Variants in ARRB1 observed in about 807,000 individuals in gnomAD.
ARRB1 encodes the protein arrestin beta 1, also known as beta-arrestin-1.
In ARRB1, 21 loss-of-function variants were observed where a neutral mutation model predicts 56.8. The observed-to-expected ratio is 0.37, with a 90% CI of 0.26 to 0.53. The LOEUF (loss-of-function observed/expected upper bound fraction) is 0.53. Among genes scored for constraint, ARRB1 ranks in the 20% least tolerant of loss-of-function variants. The probability of loss-of-function intolerance (pLI) is 0.88; values close to 1 mark genes in which losing one functional copy is unlikely to be tolerated. For synonymous variants in ARRB1, 210 were observed against 218.6 expected (o/e 0.96, Z 0.35); for missense variants, 424 against 553.7 (o/e 0.77, Z 2.35).
At position 75,262,856 on chromosome 11, in the gene ARRB1, C is replaced by A. The variant is rs1945828823; in HGVS notation, c.*3307G>T. ...AGGAACTCTCCCACAGAACCAACAGCCAGGTGAACCCACTCTAGCAGGTCT... is the reference window on the plus strand; with the variant it reads ...AGGAACTCTCCCACAGAACCAACAGACAGGTGAACCCACTCTAGCAGGTCT... On this transcript the variant is annotated 3_prime_UTR_variant, in exon 16 of 16. Transcript: ENST00000420843. 6.6e-6 allele frequency among the ~76,000 whole-genome samples: 1 copy of A among 152,174 alleles called. No homozygotes were observed. The highest frequency in any genetic ancestry group is 1.5e-5 in the Non-Finnish European group (1 of 68,026).
rs754360366 is a variant in ARRB1, at chr11:75,277,253, G to T, written c.703+111C>A. On this transcript the variant is annotated intron_variant, in intron 9 of 15. Transcript: ENST00000420843. Reference sequence around the variant, plus strand: ...GGCTCAGAGCAGGCCCTGGGCTTCAGTGGCTATTTTTTATACAAGGCTGTT... The same window carrying T: ...GGCTCAGAGCAGGCCCTGGGCTTCATTGGCTATTTTTTATACAAGGCTGTT... 22 of 1,155,202 alleles carry T rather than the reference G, an allele frequency of 1.9e-5. No homozygotes were observed. In the African/African-American group the frequency reaches 3.1e-4, roughly 16 times the overall value. 71.6% of individuals were successfully genotyped at this position (1,155,202 alleles called of 1,614,324 possible). A position where few individuals can be genotyped will look rare whatever the true frequency, so the allele number is the denominator to read the frequency against.
intron 1 of ARRB1, among the ~76,000 whole-genome samples, chr11:75,337,549 C>T (rs1947625203): frequency 6.6e-6 from 1 of 152,126 alleles, no homozygotes; most frequent in South Asian, 2.1e-4. Flanking sequence ...CTGTGCCAGG[C>T]CCCAGTCAGG....
intron 15 of ARRB1, among the ~76,000 whole-genome samples, chr11:75,267,406 G>A (rs905154345): frequency 6.6e-6 from 1 of 152,180 alleles, no homozygotes; most frequent in Non-Finnish European, 1.5e-5. Context: ...ACTGACGGAC[G>A]GACGTGCAAG....
At chr11:75,346,157 T>C (rs1382224875) in intron 1 of ARRB1, among the ~76,000 whole-genome samples, 1 of 152,104 alleles carries the variant, frequency 6.6e-6, no homozygotes, top group Non-Finnish European at 1.5e-5. Flanking sequence ...CTCTTTCTTC[T>C]GTCTAGAACA....
intron 1 of ARRB1, among the ~76,000 whole-genome samples, chr11:75,313,065 C>T (rs542703836): frequency 6.6e-6 from 1 of 152,312 alleles, no homozygotes; most frequent in East Asian, 1.9e-4. Context: ...GCTCATAACT[C>T]CCTCAGGCCA....
At chr11:75,288,067 T>C (rs1188167877) in intron 2 of ARRB1, among the ~76,000 whole-genome samples, 2 of 152,158 alleles carry the variant, frequency 1.3e-5, no homozygotes, top group African/African-American at 2.4e-5. Flanking sequence ...TTCACCATGT[T>C]GGTCAGGCTG....
At chr11:75,295,331 A>T (rs1407118505) in intron 1 of ARRB1, among the ~76,000 whole-genome samples, 1 of 151,842 alleles carries the variant, frequency 6.6e-6, no homozygotes. Context: ...AGGTACCCAC[A>T]GGGCTGCATT....
At chr11:75,272,828 G>C (rs1298466744) in intron 12 of ARRB1, 67 bp downstream of exon 12, 7 of 1,516,552 alleles carry the variant, frequency 4.6e-6, no homozygotes, top group East Asian at 2.3e-5. Context: ...AATGGGGCAG[G>C]GGCCTGTGGG....
In ARRB1 at chr11:75,287,337, G is replaced by C; in HGVS notation, c.90C>G (p.His30Gln). Residue 30 changes from histidine (H) to glutamine (Q), a missense_variant, in exon 3 of 16, where the codon CAC (histidine) becomes CAG (glutamine). By Grantham distance (24) the His-to-Gln change is conservative (BLOSUM62 0). Coordinates refer to ENST00000420843, the MANE Select transcript of ARRB1 (RefSeq NM_004041.5). Reference sequence around the variant, plus strand: ...CACCCACAGGGTCCACGAGGTCGATGTGGTCCACAAAGTCCCGCTTTCCCA... The same window carrying C: ...CACCCACAGGGTCCACGAGGTCGATCTGGTCCACAAAGTCCCGCTTTCCCA... ...VYLGKRDFVD[H>Q]IDLVDPVDGV... 5.8e-6 allele frequency: 9 copies of C among 1,559,536 alleles called. No individual in the cohort carries two copies. Among genetic ancestry groups the C allele is most frequent in the Non-Finnish European group, 7.8e-6 (9 of 1,151,268 alleles).
chr11:75,310,133 C>A (rs1033774361), intron 1 of ARRB1, among the ~76,000 whole-genome samples: 1 of 152,132 alleles, frequency 6.6e-6, no homozygotes, highest in African/African-American at 2.4e-5. Context: ...AAATGGAAAT[C>A]GATGTGGGGA....
chr11:75,272,796 TA>T, intron 12 of ARRB1, 98 bp downstream of exon 12: 3 of 1,192,952 alleles, frequency 2.5e-6, no homozygotes, highest in South Asian at 1.3e-5. Flanking sequence ...TGGATGCAGC[TA>T]AAAGGGCTGC....
At chr11:75,268,558 A>T (rs1246584624) in intron 14 of ARRB1, among the ~76,000 whole-genome samples, 1 of 151,126 alleles carries the variant, frequency 6.6e-6, no homozygotes, top group African/African-American at 2.4e-5. Flanking sequence ...ACATGACAAT[A>T]GCGTGTCCAA....
At chr11:75,319,201 C>T (rs1194460256) in intron 1 of ARRB1, among the ~76,000 whole-genome samples, 1 of 152,102 alleles carries the variant, frequency 6.6e-6, no homozygotes, top group Non-Finnish European at 1.5e-5. Flanking sequence ...CCCAGGGGAG[C>T]AGAGCCCAAG....
intron 1 of ARRB1, among the ~76,000 whole-genome samples, chr11:75,333,563 T>TAATAC (rs1947552632): frequency 6.6e-6 from 1 of 152,190 alleles, no homozygotes; most frequent in Non-Finnish European, 1.5e-5. Flanking sequence ...ACAATCAGCA[T>TAATAC]GTATTGAGCA....
intron 1 of ARRB1, among the ~76,000 whole-genome samples, chr11:75,348,759 A>G (rs1315164558): frequency 1.3e-5 from 2 of 152,084 alleles, no homozygotes; most frequent in African/African-American, 4.8e-5. Flanking sequence ...CACCACACTC[A>G]GCTAATTTTT....
intron 1 of ARRB1, among the ~76,000 whole-genome samples, chr11:75,290,536 G>T (rs1946585130): frequency 6.6e-6 from 1 of 151,482 alleles, no homozygotes; most frequent in African/African-American, 2.4e-5. Context: ...TGCCTCCGGG[G>T]CCTGAAGTCC....
chr11:75,302,090 G>A (rs898122075), intron 1 of ARRB1, among the ~76,000 whole-genome samples: 5 of 152,162 alleles, frequency 3.3e-5, no homozygotes, highest in African/African-American at 7.2e-5. Context: ...GGGGACCGCC[G>A]GCTTCTGTGG....
At chr11:75,340,180 T>C (rs1179288474) in intron 1 of ARRB1, among the ~76,000 whole-genome samples, 2 of 152,262 alleles carry the variant, frequency 1.3e-5, no homozygotes, top group East Asian at 3.8e-4. Context: ...CCAGTTGCCC[T>C]CTGGGGGCAG....
At chr11:75,266,894 C>T (rs141145652) in intron 15 of ARRB1, among the ~76,000 whole-genome samples, 54 of 152,256 alleles carry the variant, frequency 3.5e-4, no homozygotes, top group African/African-American at 1.2e-3. Context: ...GGGCAGAGGA[C>T]CTGTTCGTGA....
Sources: gnomAD v4.1 joint callset for allele counts (sites outside exome capture counted in the v4.1 genomes callset) on GRCh38, gnomAD v4.1.1 for gene constraint, MANE v1.5 for transcripts, NCBI Gene and HGNC (gene_info 2026-07-23, HGNC 2026-07-21) for gene names.